POSTN: variants seen among roughly 807,000 people sequenced by gnomAD.
POSTN encodes the protein periostin, also known as osteoblast specific factor 2 (fasciclin I-like).
POSTN carries 71 observed loss-of-function variants against 104.5 expected under a neutral mutation model. That is an observed-to-expected ratio of 0.68 (90% confidence interval 0.56 to 0.83). POSTN has a LOEUF of 0.83. Among genes scored for constraint, POSTN ranks in the 40% least tolerant of loss-of-function variants. The pLI, the probability that POSTN is intolerant of heterozygous loss-of-function variation, is 0.00. For synonymous variants in POSTN, 355 were observed against 340.7 expected, an observed-to-expected ratio of 1.04 and a Z score of -0.46; for missense variants, 949 against 1,006.8, an observed-to-expected ratio of 0.94 and a Z score of 0.78.
intron 8 of POSTN, 135 bp from the exon 9 acceptor site, chr13:37,584,238 T>C: frequency 9.3e-7 from 1 of 1,071,844 alleles, no homozygotes; most frequent in Non-Finnish European, 1.3e-6. Context: ...TAAGACATCC[T>C]CCTCCTCCCT....
At position 37,562,820 on chromosome 13, in the gene POSTN, A is replaced by C. The variant is rs1949970321; in HGVS notation, c.*513T>G. The stretch of plus-strand genomic sequence containing the variant: ...AGTACAAAATTAGTTGTAAAAAATA[A>C]CATAATTTACCAGTAAACCCACTCA... On this transcript the variant is annotated 3_prime_UTR_variant, in exon 23 of 23. Coordinates refer to ENST00000379747, the MANE Select transcript of POSTN (RefSeq NM_006475.3). 6.6e-6 allele frequency: 1 copy of C among 152,250 alleles called. No individual in the cohort carries two copies. Among genetic ancestry groups the C allele is most frequent in the Admixed American group, 6.5e-5 (1 of 15,286 alleles). 9.4% of individuals were successfully genotyped at this position (152,250 alleles called of 1,614,324 possible).
intron 19 of POSTN, among the ~76,000 whole-genome samples, chr13:37,570,328 T>C (rs1950227145): frequency 6.6e-6 from 1 of 151,738 alleles, no homozygotes; most frequent in African/African-American, 2.4e-5. Context: ...ATATCAATGG[T>C]ATATCATATT....
intron 17 of POSTN, among the ~76,000 whole-genome samples, chr13:37,573,414 A>C (rs1357568383): frequency 2.0e-5 from 3 of 150,772 alleles, no homozygotes; most frequent in Admixed American, 2.0e-4. Context: ...TTTCAAGAAA[A>C]AAACAAGGAT....
chr13:37,590,217 T>G (rs1593360280), intron 4 of POSTN, among the ~76,000 whole-genome samples, 155 bp downstream of exon 4: 1 of 152,286 alleles, frequency 6.6e-6, no homozygotes, highest in African/African-American at 2.4e-5. Flanking sequence ...TATTAAGATA[T>G]TTTACTTCCC....
At chr13:37,576,130 A>G (rs1466605377) in intron 16 of POSTN, among the ~76,000 whole-genome samples, 2 of 152,160 alleles carry the variant, frequency 1.3e-5, no homozygotes, top group Non-Finnish European at 2.9e-5. Context: ...CAAATGTTCC[A>G]TATTTGACAA....
At chr13:37,596,462 T>C (rs1951089079) in intron 2 of POSTN, among the ~76,000 whole-genome samples, 2 of 152,308 alleles carry the variant, frequency 1.3e-5, no homozygotes, top group South Asian at 4.1e-4. Context: ...TATTTATTGG[T>C]AAAATAAACC....
At chr13:37,580,526 C>T (rs376461923) in intron 11 of POSTN, 35 bp downstream of exon 11, 4 of 1,612,006 alleles carry the variant, frequency 2.5e-6, no homozygotes, top group African/African-American at 1.3e-5. Context: ...GCCAATAGCT[C>T]TCATTCTCTG....
rs2138273891 is a variant in POSTN at position 37,580,762 on chromosome 13, A to C, written c.1393-65T>G. On this transcript the variant is annotated intron_variant, in intron 10 of 22. Transcript: ENST00000379747. ...GCTTGAAATTTCCCGTATAGATGTA[A>C]CTACATAATTAAGTTTCCGGATCGG... is the stretch of plus-strand genomic sequence containing the variant. The C allele has an allele frequency of 3.8e-6, 6 of 1,598,636 alleles. No homozygotes were observed. The East Asian group carries it at 1.3e-4, about 36-fold the overall frequency.
intron 21 of POSTN, among the ~76,000 whole-genome samples, chr13:37,568,043 G>A (rs1201426668): frequency 6.6e-6 from 1 of 151,822 alleles, no homozygotes; most frequent in Non-Finnish European, 1.5e-5. Context: ...TCTTCATAAT[G>A]TGTTTGTCTC....
chr13:37,580,101 T>G, intron 11 of POSTN, 110 bp from the exon 12 acceptor site: 1 of 995,060 alleles, frequency 1.0e-6, no homozygotes, highest in Non-Finnish European at 1.5e-6. Flanking sequence ...ATGAGAGAAC[T>G]GCTCATACAT....
intron 1 of POSTN, 30 bp from the exon 2 acceptor site, chr13:37,597,312 A>C (rs1480917492): frequency 7.0e-7 from 1 of 1,436,906 alleles, no homozygotes; most frequent in African/African-American, 1.5e-5. Flanking sequence ...GAAAAAAGTT[A>C]ATGTCCTAAT....
intron 18 of POSTN, chr13:37,570,993 C>A: frequency 3.4e-6 from 1 of 296,510 alleles, no homozygotes; most frequent in East Asian, 6.6e-5. Flanking sequence ...TATCATAAAT[C>A]CTAGTAGTGG....
At chr13:37,583,759 C>G (rs890809897) in intron 9 of POSTN, among the ~76,000 whole-genome samples, 1 of 152,064 alleles carries the variant, frequency 6.6e-6, no homozygotes, top group Admixed American at 6.6e-5. Context: ...AAATTTCACT[C>G]TCTGTAGGCT....
chr13:37,585,440 T>C (rs927910934), intron 7 of POSTN, among the ~76,000 whole-genome samples: 4 of 152,194 alleles, frequency 2.6e-5, no homozygotes, highest in Non-Finnish European at 4.4e-5. Flanking sequence ...TATCTTGTAA[T>C]AGCTGCTCAT....
intron 22 of POSTN, 44 bp downstream of exon 22, chr13:37,564,475 C>T (rs774901826): frequency 3.6e-6 from 4 of 1,102,366 alleles, no homozygotes; most frequent in Non-Finnish European, 5.3e-6. Flanking sequence ...CTTCATGTAA[C>T]AAAAGAGGCC....
At chr13:37,595,651 G>T (rs1038778213) in intron 2 of POSTN, among the ~76,000 whole-genome samples, 2 of 152,016 alleles carry the variant, frequency 1.3e-5, no homozygotes, top group Non-Finnish European at 2.9e-5. Flanking sequence ...TTGTTTAAAA[G>T]AGTTTAATTT....
chr13:37,595,949 C>T (rs1951074078), intron 2 of POSTN, among the ~76,000 whole-genome samples: 1 of 151,492 alleles, frequency 6.6e-6, no homozygotes, highest in Non-Finnish European at 1.5e-5. Flanking sequence ...TAGGTGCCTG[C>T]CACCACATCC....
rs560151453 is a variant in POSTN, at chr13:37,582,239, T to A, written c.1392+127A>T. The A allele has an allele frequency of 3.7e-4, 402 of 1,099,008 alleles. 2 individuals are homozygous for A. In the South Asian group the frequency reaches 7.3e-3, roughly 20 times the overall value. The allele number at this position is 1,099,008 out of a possible 1,614,324, so 68.1% of individuals were successfully genotyped here. A position where few individuals can be genotyped will look rare whatever the true frequency, so the allele number is the denominator to read the frequency against. ...CAGTCTTTTCACCCAAGCTACCCAG[T>A]TCCCTGATGCTTCTATGAATATTTA... On this transcript the variant is annotated intron_variant, in intron 10 of 22. Coordinates refer to ENST00000379747, the MANE Select transcript of POSTN (RefSeq NM_006475.3).
intron 16 of POSTN, among the ~76,000 whole-genome samples, chr13:37,575,444 T>C (rs981456516): frequency 1.3e-4 from 20 of 151,950 alleles, no homozygotes; most frequent in African/African-American, 4.4e-4. Context: ...CCTACGTGTG[T>C]ACCCCCCTAG....
Sources: allele counts gnomAD v4.1 joint callset (sites outside exome capture counted in the v4.1 genomes callset), GRCh38; gene constraint gnomAD v4.1.1; transcripts MANE v1.5; gene names NCBI Gene and HGNC (gene_info 2026-07-23, HGNC 2026-07-21).